The following PIEZO2 variants were observed in gnomAD, a reference collection of about 807,000 sequenced individuals.
PIEZO2 encodes piezo-type mechanosensitive ion channel component 2.
Under a neutral mutation model 337.3 loss-of-function variants are expected in PIEZO2, and 172 were observed. The ratio of observed to expected loss-of-function variants is 0.51; its 90% CI spans 0.45 to 0.58. PIEZO2 has a LOEUF of 0.58. Among genes scored for constraint, PIEZO2 ranks in the 20% least tolerant of loss-of-function variants. The pLI, the probability that PIEZO2 is intolerant of heterozygous loss-of-function variation, is 0.00. For synonymous variants in PIEZO2, 1,251 were observed against 1,228.5 expected (o/e 1.02, Z -0.38); for missense variants, 3,028 against 3,391.3 (o/e 0.89, Z 2.66).
chr18:10,753,089 C>T (rs1051968243), intron 27 of PIEZO2, among the ~76,000 whole-genome samples: 2 of 152,188 alleles, frequency 1.3e-5, no homozygotes, highest in African/African-American at 4.8e-5. Context: ...GTATGCTTCT[C>T]GTCACCTTAT....
rs143685407 is a variant in PIEZO2 at position 10,701,604 on chromosome 18, T to G, written c.6441+385A>C. On this transcript the variant is annotated intron_variant, in intron 43 of 55. Transcript: ENST00000674853. ...CAATATGATCCACACACATTGTGGC[T>G]GTCTGATGCTCTGGCTTAAATCAGA... Among the ~76,000 whole-genome samples, 7 of 152,388 alleles carry G rather than the reference T, an allele frequency of 4.6e-5. No homozygotes were observed. The East Asian group carries it at 1.3e-3, about 29-fold the overall frequency.
At chr18:10,693,046 T>G (rs1446021427) in intron 47 of PIEZO2, among the ~76,000 whole-genome samples, 1 of 152,158 alleles carries the variant, frequency 6.6e-6, no homozygotes, top group East Asian at 1.9e-4. Context: ...CTTCTTTAAT[T>G]TCTCTCAGCC....
At chr18:11,074,568 C>T (rs749118438) in intron 1 of PIEZO2, among the ~76,000 whole-genome samples, 1 of 152,132 alleles carries the variant, frequency 6.6e-6, no homozygotes, top group African/African-American at 2.4e-5. Flanking sequence ...ATTAATACTG[C>T]CATGTGAATC....
chr18:10,950,736 T>C (rs2033255422), intron 3 of PIEZO2, among the ~76,000 whole-genome samples: 1 of 152,214 alleles, frequency 6.6e-6, no homozygotes, highest in Non-Finnish European at 1.5e-5. Context: ...TTCCCTCTTC[T>C]GTACCAAATC....
intron 44 of PIEZO2, 100 bp downstream of exon 44, chr18:10,698,825 T>C (rs1453475330): frequency 5.8e-6 from 8 of 1,383,750 alleles, no homozygotes; most frequent in African/African-American, 1.5e-5. Flanking sequence ...TGTCTCTTGA[T>C]AGCACCCAAT....
chr18:10,945,943 A>G lies in PIEZO2; in HGVS notation c.286+33592T>C, dbSNP rs147106379. 4.7e-3 allele frequency among the ~76,000 whole-genome samples: 717 copies of G among 152,342 alleles called. 6 individuals carry two copies. The highest frequency in any genetic ancestry group is 0.015 in the African/African-American group (607 of 41,580). ...AAAAGATTAGTGAATGTGAGGATAC[A>G]GCATCAGAAACTAACCAAAATGAAA... On this transcript the variant is annotated intron_variant, in intron 3 of 55. Transcript: ENST00000674853. This position sits in a 1 kb window ranked among gnomAD's most constrained non-coding sequence, Gnocchi z 4.0.
intron 39 of PIEZO2, among the ~76,000 whole-genome samples, chr18:10,711,241 C>T (rs2035807649): frequency 6.6e-6 from 1 of 152,132 alleles, no homozygotes; most frequent in Non-Finnish European, 1.5e-5. Context: ...CTTCATGGGG[C>T]ATACTGTTCA....
rs945071192 is a variant in PIEZO2 at position 11,148,807 on chromosome 18, A to G, written c.-219T>C. On this transcript the variant is annotated 5_prime_UTR_variant, in exon 1 of 56. Coordinates refer to ENST00000674853, the MANE Select transcript of PIEZO2 (RefSeq NM_001378183.1). This position sits in a 1 kb window ranked among gnomAD's most constrained non-coding sequence, Gnocchi z 5.2. ...ACCGGGCTCTGGGTAGCCCCTCACC[A>G]GGCTCTTGGCGGCCACCTAGCCCGG... 1.3e-5 allele frequency: 6 copies of G among 468,536 alleles called. No homozygotes were observed. Among genetic ancestry groups the G allele is most frequent in the Middle Eastern group, 5.5e-4 (1 of 1,828 alleles). 29.0% of individuals were successfully genotyped at this position (468,536 alleles called of 1,614,324 possible).
In PIEZO2 at chr18:10,979,260, G is replaced by C. The variant is rs1028080172; in HGVS notation, c.286+275C>G. ...GGCTGTCTGTAACTCTTGAATTTTA[G>C]GTTAAGCTCAATGAAAATGTCTTAC... On this transcript the variant is annotated intron_variant, in intron 3 of 55. Transcript: ENST00000674853. This position sits in a 1 kb window ranked among gnomAD's most constrained non-coding sequence, Gnocchi z 4.0. Among the ~76,000 whole-genome samples the C allele has an allele frequency of 6.6e-6, 1 of 150,834 alleles. No homozygotes were observed. The highest frequency in any genetic ancestry group is 1.5e-5 in the Non-Finnish European group (1 of 67,866).
Position 10,783,201 on chromosome 18 carries a change from C to T in PIEZO2, c.2492+1583G>A, listed in dbSNP as rs893780505. Among the ~76,000 whole-genome samples the T allele has an allele frequency of 2.6e-5, 4 of 152,010 alleles. No homozygotes were observed. The highest frequency in any genetic ancestry group is 9.7e-5 in the African/African-American group (4 of 41,366). On this transcript the variant is annotated intron_variant, in intron 17 of 55. Transcript: ENST00000674853. This position sits in a 1 kb window ranked among gnomAD's most constrained non-coding sequence, Gnocchi z 4.3. The stretch of plus-strand genomic sequence containing the variant: ...ATGCTTAATAATTACAACTCCTTCA[C>T]AAACATATAAATTGGCTCTGCTAAC...
intron 1 of PIEZO2, among the ~76,000 whole-genome samples, chr18:11,103,181 A>G (rs368567450): frequency 1.5e-4 from 23 of 152,366 alleles, no homozygotes; most frequent in African/African-American, 5.3e-4. Flanking sequence ...GATTCTGGAC[A>G]TAAAAACTAT....
At chr18:11,061,850 T>C (rs1415170781) in intron 2 of PIEZO2, among the ~76,000 whole-genome samples, 2 of 152,160 alleles carry the variant, frequency 1.3e-5, no homozygotes, top group African/African-American at 4.8e-5. Flanking sequence ...AATTTATAGA[T>C]TCAATGCCAT....
rs188398943 is a variant in PIEZO2, at chr18:11,002,955, C to T, written c.161-23295G>A. On this transcript the variant is annotated intron_variant, in intron 2 of 55. Coordinates refer to ENST00000674853, the MANE Select transcript of PIEZO2 (RefSeq NM_001378183.1). This position sits in a 1 kb window ranked among gnomAD's most constrained non-coding sequence, Gnocchi z 4.3. ...AGAATCAGTTGATTAACCAGTGCCA[C>T]TCAAACAGAGGAAGTGAGGCAAGAG... Among the ~76,000 whole-genome samples the T allele has an allele frequency of 2.0e-5, 3 of 152,338 alleles. No individual in the cohort carries two copies. Among genetic ancestry groups the T allele is most frequent in the South Asian group, 2.1e-4 (1 of 4,826 alleles).
chr18:10,915,068 CTA>C (rs1440584880), intron 3 of PIEZO2, among the ~76,000 whole-genome samples: 1 of 141,492 alleles, frequency 7.1e-6, no homozygotes, highest in African/African-American at 2.6e-5. Flanking sequence ...TCCCTCCTCT[CTA>C]ATAACATTGC....
chr18:11,036,414 ATTTCTGGCAACC>A (rs2036926204), intron 2 of PIEZO2, among the ~76,000 whole-genome samples: 1 of 152,058 alleles, frequency 6.6e-6, no homozygotes, highest in Non-Finnish European at 1.5e-5. Flanking sequence ...AACACTTGGA[ATTTCTGGCAACC>A]CCACCTCCCC....
intron 2 of PIEZO2, among the ~76,000 whole-genome samples, chr18:11,034,413 C>A (rs1015816781): frequency 1.3e-5 from 2 of 151,984 alleles, no homozygotes; most frequent in African/African-American, 4.8e-5. Context: ...CTGCCTTAGC[C>A]TCCTGAGTAG....
chr18:10,841,318 T>C (rs2041186088), intron 7 of PIEZO2, among the ~76,000 whole-genome samples: 2 of 151,884 alleles, frequency 1.3e-5, no homozygotes, highest in Admixed American at 1.3e-4. Context: ...AGCACTAAAT[T>C]CCCTCCCCTG....
intron 4 of PIEZO2, among the ~76,000 whole-genome samples, chr18:10,910,479 A>G (rs1020460159): frequency 6.6e-6 from 1 of 152,162 alleles, no homozygotes; most frequent in Non-Finnish European, 1.5e-5. Flanking sequence ...GCTACTTGGG[A>G]GGCTGAGGCA....
intron 7 of PIEZO2, among the ~76,000 whole-genome samples, chr18:10,843,300 G>T (rs2041250307): frequency 6.6e-6 from 1 of 151,594 alleles, no homozygotes; most frequent in South Asian, 2.1e-4. Context: ...GATCTCTTTA[G>T]ATTTCATTTC....
Sources: gnomAD v4.1 joint callset for allele counts (sites outside exome capture counted in the v4.1 genomes callset) on GRCh38, gnomAD v4.1.1 for gene constraint, Gnocchi (gnomAD v3.1) non-coding constraint, MANE v1.5 for transcripts, NCBI Gene and HGNC (gene_info 2026-07-23, HGNC 2026-07-21) for gene names.